Variants in VPS13B observed in about 807,000 individuals in gnomAD.
VPS13B encodes intermembrane lipid transfer protein VPS13B.
A neutral mutation model predicts 426.4 loss-of-function variants in VPS13B; 285 were observed. The observed-to-expected ratio is 0.67, with a 90% CI of 0.61 to 0.74. The LOEUF (loss-of-function observed/expected upper bound fraction) is 0.74, where lower values mean the gene tolerates loss of function less well. VPS13B is among the 30% of genes least tolerant of loss of function. VPS13B has a pLI of 0.00. For missense variants in VPS13B, 4,537 were observed against 4,782.6 expected (o/e 0.95, Z 1.51); for synonymous variants, 1,676 against 1,676.4 (o/e 1.00, Z 0.01).
At chr8:99,079,130 C>G (rs1434520597) in intron 3 of VPS13B, among the ~76,000 whole-genome samples, 1 of 152,072 alleles carries the variant, frequency 6.6e-6, no homozygotes, top group Non-Finnish European at 1.5e-5. Flanking sequence ...GTGGGCACGG[C>G]TGGTCTGTCC....
At chr8:99,337,019 A>G (rs1466193491) in intron 19 of VPS13B, among the ~76,000 whole-genome samples, 1 of 152,154 alleles carries the variant, frequency 6.6e-6, no homozygotes, top group Non-Finnish European at 1.5e-5. Context: ...CTGGGTATAT[A>G]CCCAAAGGAT....
At chr8:99,169,685 G>A (rs938360482) in intron 15 of VPS13B, among the ~76,000 whole-genome samples, 3 of 151,914 alleles carry the variant, frequency 2.0e-5, no homozygotes, top group African/African-American at 4.8e-5. Flanking sequence ...GTAGTTTACT[G>A]TGTAGAAAAT....
chr8:99,317,466 G>A (rs1425454396), intron 19 of VPS13B, among the ~76,000 whole-genome samples: 1 of 152,002 alleles, frequency 6.6e-6, no homozygotes, highest in Admixed American at 6.6e-5. Flanking sequence ...ACAGAATATA[G>A]TCTAATAATG....
intron 19 of VPS13B, among the ~76,000 whole-genome samples, chr8:99,331,519 T>A (rs1275691608): frequency 6.6e-6 from 1 of 151,814 alleles, no homozygotes; most frequent in Non-Finnish European, 1.5e-5. Context: ...AACTGGAATA[T>A]CAATTTTAAA....
chr8:99,484,809 C>G (rs920099180), intron 25 of VPS13B, among the ~76,000 whole-genome samples: 1 of 148,102 alleles, frequency 6.8e-6, no homozygotes, highest in Non-Finnish European at 1.5e-5. Flanking sequence ...ATCATCATAT[C>G]ATAACCATCT....
chr8:99,660,290 C>T (rs955358178), intron 34 of VPS13B, among the ~76,000 whole-genome samples: 2 of 152,172 alleles, frequency 1.3e-5, no homozygotes, highest in Non-Finnish European at 2.9e-5. Context: ...TATATGCCCA[C>T]TTCACATATG....
intron 36 of VPS13B, among the ~76,000 whole-genome samples, chr8:99,706,944 CA>C (rs2130241025): frequency 1.3e-5 from 2 of 152,214 alleles, no homozygotes; most frequent in South Asian, 4.2e-4. Context: ...CCATATAAGC[CA>C]GTAGGCTGTT....
intron 17 of VPS13B, among the ~76,000 whole-genome samples, chr8:99,246,424 T>A (rs1157999185): frequency 6.6e-6 from 1 of 152,196 alleles, no homozygotes; most frequent in Non-Finnish European, 1.5e-5. Context: ...TTGATTCGAA[T>A]GCAGTAACCA....
rs1554573281 is a variant in VPS13B, at chr8:99,831,076, C to CTTTTTTTTTTCT, written c.9331-1283_9331-1282insCTTTTTTTTTTT. ...CTTGCCCGGGAATTGGTGTTTTTTT[C>CTTTTTTTTTTCT]TTTTTTTTTTTTTTGAGATAGAGTC... On this transcript the variant is annotated intron_variant, in intron 51 of 61. Transcript: ENST00000357162. Among the ~76,000 whole-genome samples, 9 of 120,084 alleles carry CTTTTTTTTTTCT rather than the reference C, an allele frequency of 7.5e-5. 1 individual carries two copies. The highest frequency in any genetic ancestry group is 6.7e-4 in the Admixed American group (7 of 10,502). The allele number at this position is 120,084 out of a possible 152,430, so 78.8% of individuals were successfully genotyped here. A position where few individuals can be genotyped will look rare whatever the true frequency, so the allele number is the denominator to read the frequency against.
At chr8:99,069,994 G>T (rs1432544765) in intron 3 of VPS13B, among the ~76,000 whole-genome samples, 1 of 152,180 alleles carries the variant, frequency 6.6e-6, no homozygotes, top group Non-Finnish European at 1.5e-5. Flanking sequence ...GCCTCAAACT[G>T]CTGGGCTCAA....
At chr8:99,471,860 A>G (rs899617392) in intron 24 of VPS13B, among the ~76,000 whole-genome samples, 10 of 152,168 alleles carry the variant, frequency 6.6e-5, no homozygotes, top group African/African-American at 2.2e-4. Flanking sequence ...TTCACAGAGA[A>G]AGTTCACAAA....
intron 6 of VPS13B, among the ~76,000 whole-genome samples, chr8:99,113,283 G>A (rs1363633512): frequency 2.6e-5 from 4 of 151,964 alleles, no homozygotes; most frequent in Non-Finnish European, 5.9e-5. Flanking sequence ...TTGTTTTTTT[G>A]TAGAGACGGA....
intron 33 of VPS13B, among the ~76,000 whole-genome samples, chr8:99,597,798 A>G (rs1827092675): frequency 6.6e-6 from 1 of 152,028 alleles, no homozygotes; most frequent in South Asian, 2.1e-4. Context: ...TTGGCTCACT[A>G]TTACATAAAG....
At chr8:99,178,343 G>C (rs987272654) in intron 16 of VPS13B, among the ~76,000 whole-genome samples, 7 of 136,142 alleles carry the variant, frequency 5.1e-5, no homozygotes, top group South Asian at 4.5e-4. Flanking sequence ...ATCATTGGCG[G>C]TTCCCATATT....
Position 99,108,416 on chromosome 8 carries a change from C to T in VPS13B, c.581-2682C>T, listed in dbSNP as rs552503491. ...TTGCCTAGACCAATGTCAGGTCTTACATTTAAGTCTTTAATCTATCTCGAG... is the reference window on the plus strand; with the variant it reads ...TTGCCTAGACCAATGTCAGGTCTTATATTTAAGTCTTTAATCTATCTCGAG... On this transcript the variant is annotated intron_variant, in intron 5 of 61. Transcript: ENST00000357162. 3.7e-4 allele frequency among the ~76,000 whole-genome samples: 57 copies of T among 152,262 alleles called. No individual in the cohort carries two copies. In the South Asian group the frequency reaches 0.011, roughly 31 times the overall value.
intron 25 of VPS13B, among the ~76,000 whole-genome samples, chr8:99,485,248 C>A (rs1394853418): frequency 6.6e-6 from 1 of 152,078 alleles, no homozygotes; most frequent in Non-Finnish European, 1.5e-5. Context: ...ACCATAGTAG[C>A]CCTATGCTGT....
intron 34 of VPS13B, among the ~76,000 whole-genome samples, chr8:99,655,787 T>C (rs1001611442): frequency 6.6e-6 from 1 of 152,230 alleles, no homozygotes; most frequent in Non-Finnish European, 1.5e-5. Flanking sequence ...AGTTTCATTT[T>C]GAGTTGGCTG....
intron 56 of VPS13B, among the ~76,000 whole-genome samples, chr8:99,855,974 G>A (rs542597522): frequency 2.6e-4 from 40 of 152,272 alleles, no homozygotes; most frequent in African/African-American, 9.1e-4. Flanking sequence ...TAAGAAGCAG[G>A]CACGTAGGTT....
At chr8:99,403,269 T>C (rs1245788098) in intron 21 of VPS13B, among the ~76,000 whole-genome samples, 4 of 152,052 alleles carry the variant, frequency 2.6e-5, no homozygotes, top group African/African-American at 9.7e-5. Flanking sequence ...AAAACAGGTC[T>C]TATCCAGTGC....
Sources: allele counts gnomAD v4.1 joint callset (sites outside exome capture counted in the v4.1 genomes callset), GRCh38; gene constraint gnomAD v4.1.1; transcripts MANE v1.5; gene names NCBI Gene and HGNC (gene_info 2026-07-23, HGNC 2026-07-21).